CHEK2: variants seen among roughly 807,000 people sequenced by gnomAD.
CHEK2 encodes the protein checkpoint kinase 2.
A neutral mutation model predicts 69.1 loss-of-function variants in CHEK2; 71 were observed. The observed-to-expected ratio is 1.03, with a 90% CI of 0.85 to 1.25. The LOEUF (loss-of-function observed/expected upper bound fraction) is 1.25. Among genes scored for constraint, CHEK2 ranks in the 50% most tolerant of loss-of-function variants. The pLI is 0.00. For missense variants in CHEK2, 664 were observed against 649.6 expected (o/e 1.02, Z -0.24); for synonymous variants, 189 against 226.9 (o/e 0.83, Z 1.50).
At chr22:28,724,862 A>C (rs762478503) in intron 4 of CHEK2, 115 bp downstream of exon 4, 3 of 1,139,502 alleles carry the variant, frequency 2.6e-6, no homozygotes. Context: ...CACCACGCCC[A>C]GCAACTTACT....
intron 1 of CHEK2, chr22:28,737,244 G>A (rs1237808412): frequency 4.3e-6 from 2 of 465,998 alleles, no homozygotes; most frequent in Non-Finnish European, 8.7e-6. Flanking sequence ...TTCACAAATA[G>A]AAGATTAGTT....
intron 7 of CHEK2, among the ~76,000 whole-genome samples, chr22:28,704,313 T>A (rs527965516): frequency 0.019 from 2,882 of 150,552 alleles, 46 homozygotes; most frequent in South Asian, 0.058. Flanking sequence ...TTTTCTTTCT[T>A]TTTTTTTTAT....
chr22:28,688,638 C>T (rs559259853), intron 14 of CHEK2, among the ~76,000 whole-genome samples: 7 of 151,712 alleles, frequency 4.6e-5, no homozygotes, highest in East Asian at 3.9e-4. Flanking sequence ...CACTGCACTC[C>T]GGCCTGAGTG....
rs141703411 is a variant in CHEK2 at position 28,702,135 on chromosome 22, CTGTGTG to C, written c.908+1364_908+1369del. 9.0e-3 allele frequency among the ~76,000 whole-genome samples: 1,268 copies of C among 140,326 alleles called. 10 individuals carry two copies. The highest frequency in any genetic ancestry group is 0.016 in the African/African-American group (587 of 37,596). 92.1% of individuals were successfully genotyped at this position (140,326 alleles called of 152,430 possible). On this transcript the variant is annotated intron_variant, in intron 8 of 14. Transcript: ENST00000404276. ...CCCGGCTAATTTTGTGTGTGTGTGT[CTGTGTG>C]TGTGTGTGTGTGTGTGTGTGTGTGT...
At chr22:28,694,834 C>A (rs1233979702) in intron 12 of CHEK2, among the ~76,000 whole-genome samples, 1 of 152,108 alleles carries the variant, frequency 6.6e-6, no homozygotes, top group African/African-American at 2.4e-5. Flanking sequence ...GATACTTAAC[C>A]CTCACAAAAA....
intron 4 of CHEK2, among the ~76,000 whole-genome samples, chr22:28,724,052 G>A (rs1287187551): frequency 1.3e-5 from 2 of 152,212 alleles, no homozygotes; most frequent in Non-Finnish European, 2.9e-5. Flanking sequence ...ATCTAAGACT[G>A]ATGTGGTATA....
chr22:28,719,517 T>C (rs1161194038), intron 4 of CHEK2, 32 bp from the exon 5 acceptor site: 4 of 1,304,864 alleles, frequency 3.1e-6, no homozygotes. Context: ...ATGGGTTTCA[T>C]TAATTTATTC....
chr22:28,697,031 T>C, intron 9 of CHEK2, 44 bp from the exon 10 acceptor site: 1 of 1,237,306 alleles, frequency 8.1e-7, no homozygotes, highest in Non-Finnish European at 1.2e-6. Flanking sequence ...ATGCAGTAGA[T>C]ACTTAAGTAG....
chr22:28,699,282 C>T (rs1463006229), intron 9 of CHEK2, among the ~76,000 whole-genome samples: 14 of 151,618 alleles, frequency 9.2e-5, no homozygotes, highest in Non-Finnish European at 1.6e-4. Context: ...GGACTACAGG[C>T]GTGAGCCACT....
chr22:28,691,611 C>T (rs938296636), intron 13 of CHEK2, among the ~76,000 whole-genome samples: 1 of 152,222 alleles, frequency 6.6e-6, no homozygotes, highest in African/African-American at 2.4e-5. Flanking sequence ...CGGGAGGATC[C>T]CTTAAGGCCA....
At chr22:28,713,336 G>A (rs1399797958) in intron 5 of CHEK2, among the ~76,000 whole-genome samples, 1 of 151,180 alleles carries the variant, frequency 6.6e-6, no homozygotes, top group African/African-American at 2.4e-5. Flanking sequence ...GACTAAAGCT[G>A]CTATGAACAT....
rs17885993 is a variant in CHEK2, at chr22:28,696,247, A to G, written c.1096-374T>C. On this transcript the variant is annotated intron_variant, in intron 10 of 14. Coordinates refer to ENST00000404276, the MANE Select transcript of CHEK2 (RefSeq NM_007194.4). ...GAATACCTGGGGAGCTTGGAAACAC[A>G]TGCTTATACCTGAGTGCCACTCTCA... is the stretch of plus-strand genomic sequence containing the variant. Among the ~76,000 whole-genome samples, 155 of 152,316 alleles carry G rather than the reference A, an allele frequency of 1.0e-3. 1 individual carries two copies. Among genetic ancestry groups the G allele is most frequent in the African/African-American group, 3.5e-3 (144 of 41,574 alleles).
At chr22:28,723,501 G>A (rs1165269240) in intron 4 of CHEK2, among the ~76,000 whole-genome samples, 4 of 151,684 alleles carry the variant, frequency 2.6e-5, no homozygotes, top group Non-Finnish European at 5.9e-5. Flanking sequence ...GGGAGGCTGA[G>A]GCAGGAGAAT....
At chr22:28,698,228 T>TAAAAAAAAAAAAAAAAAAAAA (rs398040472) in intron 9 of CHEK2, among the ~76,000 whole-genome samples, 3 of 81,896 alleles carry the variant, frequency 3.7e-5, no homozygotes, top group Admixed American at 1.4e-4. Context: ...CTATCTTTAC[T>TAAAAAAAAAAAAAAAAAAAAA]AAAAAAAAAA....
chr22:28,706,855 GC>G (rs200233033), intron 7 of CHEK2, among the ~76,000 whole-genome samples: 5,497 of 152,286 alleles, frequency 0.036, 232 homozygotes, highest in African/African-American at 0.094. Context: ...GGCGGAGGTT[GC>G]AGTAAGCCGA....
Position 28,699,823 on chromosome 22 carries a change from G to A in CHEK2, c.1008+15C>T. ...AAGAAAGGCAGCTGTCAAAAGAATT[G>A]AGGGCTTCTTTTACCTGCACAGCCA... On this transcript the variant is annotated intron_variant, in intron 9 of 14. Coordinates refer to ENST00000404276, the MANE Select transcript of CHEK2 (RefSeq NM_007194.4). The A allele has an allele frequency of 6.4e-7, 1 of 1,564,392 alleles. No homozygotes were observed. The highest frequency in any genetic ancestry group is 8.8e-7 in the Non-Finnish European group (1 of 1,134,706).
chr22:28,726,574 T>A (rs1434412920), intron 2 of CHEK2, among the ~76,000 whole-genome samples: 1 of 145,748 alleles, frequency 6.9e-6, no homozygotes, highest in Non-Finnish European at 1.5e-5. Flanking sequence ...TAATAATATA[T>A]AATATATATT....
chr22:28,696,610 C>T (rs1317071915), intron 10 of CHEK2, among the ~76,000 whole-genome samples: 1 of 152,126 alleles, frequency 6.6e-6, no homozygotes, highest in Non-Finnish European at 1.5e-5. Flanking sequence ...CTGCCCACCT[C>T]GGCCTCCCAA....
intron 4 of CHEK2, 49 bp downstream of exon 4, chr22:28,724,928 G>A (rs2146054814): frequency 6.3e-7 from 1 of 1,592,336 alleles, no homozygotes; most frequent in Non-Finnish European, 8.6e-7. Context: ...TTCCTCCTAT[G>A]AGAGAGTGGA....
Sources: allele counts gnomAD v4.1 joint callset (sites outside exome capture counted in the v4.1 genomes callset), GRCh38; gene constraint gnomAD v4.1.1; transcripts MANE v1.5; gene names NCBI Gene and HGNC (gene_info 2026-07-23, HGNC 2026-07-21).